Variants in ABCB11 observed in about 807,000 individuals in gnomAD.
ABCB11 encodes the protein bile salt export pump.
Under a neutral mutation model 148.0 loss-of-function variants are expected in ABCB11, and 95 were observed. That is an observed-to-expected ratio of 0.64 (90% CI 0.54 to 0.76). The LOEUF (loss-of-function observed/expected upper bound fraction) is 0.76. Among genes scored for constraint, ABCB11 ranks in the 30% least tolerant of loss-of-function variants. ABCB11 has a pLI of 0.00. For missense variants in ABCB11, 1,523 were observed against 1,617.8 expected (o/e 0.94, Z 1.01); for synonymous variants, 591 against 555.4 (o/e 1.06, Z -0.90).
chr2:169,021,826 A>G (rs1385037093), intron 1 of ABCB11, among the ~76,000 whole-genome samples: 1 of 152,052 alleles, frequency 6.6e-6, no homozygotes, highest in Non-Finnish European at 1.5e-5. Context: ...GACATTTTTC[A>G]ATTACATTTG....
chr2:168,998,240 A>G (rs972699193), intron 5 of ABCB11, among the ~76,000 whole-genome samples: 1 of 152,094 alleles, frequency 6.6e-6, no homozygotes, highest in Non-Finnish European at 1.5e-5. Flanking sequence ...CCAGAAAACT[A>G]TAAGCATTTG....
rs1431652184 is a variant in ABCB11 at position 168,930,354 on chromosome 2, A to G, written c.3411+311T>C. Among the ~76,000 whole-genome samples the G allele has an allele frequency of 2.0e-5, 3 of 152,302 alleles. No homozygotes were observed. In the East Asian group the frequency reaches 5.8e-4, roughly 29 times the overall value. Reference sequence around the variant, plus strand: ...GTCATTAGTTTCCTGATTAGTCTGCACTTTCTGCTCCATTTACGGGTAAGT... The same window carrying G: ...GTCATTAGTTTCCTGATTAGTCTGCGCTTTCTGCTCCATTTACGGGTAAGT... On this transcript the variant is annotated intron_variant, in intron 25 of 27. Coordinates refer to ENST00000650372, the MANE Select transcript of ABCB11 (RefSeq NM_003742.4).
At chr2:168,960,360 G>C (rs1574434751) in intron 18 of ABCB11, among the ~76,000 whole-genome samples, 1 of 151,638 alleles carries the variant, frequency 6.6e-6, no homozygotes, top group East Asian at 1.9e-4. Flanking sequence ...AACTTGTGAA[G>C]ACTATTAGCA....
rs1452393191 is a variant in ABCB11, at chr2:169,014,323, T to G, written c.130A>C (p.Arg44=). 9 of 1,613,374 alleles carry G rather than the reference T, an allele frequency of 5.6e-6. No homozygotes were observed. The highest frequency in any genetic ancestry group is 1.3e-5 in the African/African-American group (1 of 74,884). ...LQDEKKGDGV[R]VGFFQLFRFS... Reference sequence around the variant, plus strand: ...ATTACCAATTGAAAGAAGCCAACTCTAACGCCATCACCTTTCTTCTCATCT... The same window carrying G: ...ATTACCAATTGAAAGAAGCCAACTCGAACGCCATCACCTTTCTTCTCATCT... The change falls in exon 4 of 28, where the codon AGA becomes CGA. Residue 44 remains arginine, a synonymous_variant. Coordinates refer to ENST00000650372, the MANE Select transcript of ABCB11 (RefSeq NM_003742.4).
At chr2:168,945,993 T>C (rs1326256207) in intron 19 of ABCB11, among the ~76,000 whole-genome samples, 1 of 151,904 alleles carries the variant, frequency 6.6e-6, no homozygotes, top group Non-Finnish European at 1.5e-5. Flanking sequence ...TAGTGTATAA[T>C]GCTTAGTAAA....
rs1461431933 is a variant in ABCB11 at position 168,976,564 on chromosome 2, G to C, written c.1308+13C>G. The C allele has an allele frequency of 1.4e-6, 2 of 1,470,560 alleles. No homozygotes were observed. The highest frequency in any genetic ancestry group is 1.9e-6 in the Non-Finnish European group (2 of 1,061,580). 91.1% of individuals were successfully genotyped at this position (1,470,560 alleles called of 1,614,324 possible). Reference sequence around the variant, plus strand: ...AAAACATTTACTATTCTGGGGAACAGACCAGCACTCACCTTCACCTCTGGT... The same window carrying C: ...AAAACATTTACTATTCTGGGGAACACACCAGCACTCACCTTCACCTCTGGT... On this transcript the variant is annotated intron_variant, in intron 12 of 27. Coordinates refer to ENST00000650372, the MANE Select transcript of ABCB11 (RefSeq NM_003742.4).
At chr2:168,934,578 G>T (rs1691732145) in intron 23 of ABCB11, among the ~76,000 whole-genome samples, 1 of 152,220 alleles carries the variant, frequency 6.6e-6, no homozygotes, top group African/African-American at 2.4e-5. Context: ...GGAGGAGTCA[G>T]TTGGGAGGAG....
intron 10 of ABCB11, among the ~76,000 whole-genome samples, chr2:168,980,814 T>A (rs890652829): frequency 1.3e-5 from 2 of 152,166 alleles, no homozygotes; most frequent in Non-Finnish European, 2.9e-5. Flanking sequence ...TACCTGATCA[T>A]GCCCAGATGT....
intron 3 of ABCB11, among the ~76,000 whole-genome samples, chr2:169,014,657 C>T (rs539497496): frequency 5.3e-5 from 8 of 152,222 alleles, no homozygotes; most frequent in African/African-American, 1.9e-4. Flanking sequence ...TAACTCTTTG[C>T]CCTCAGTCAT....
Position 168,936,402 on chromosome 2 carries a change from T to C in ABCB11, c.2642A>G (p.Asn881Ser). The stretch of plus-strand genomic sequence containing the variant: ...GGCCACAGTGACGTTAGTGAAGGAA[T>C]TGACTATCATCCCGATCTGAGAGCC... ...AAGSQIGMIV[N>S]SFTNVTVAMI... Residue 881 changes from asparagine to serine, a missense_variant, in exon 22 of 28, where the codon AAT (asparagine) becomes AGT (serine). Physicochemically the swap from Asn to Ser is conservative, Grantham distance 46. Transcript: ENST00000650372. 2 of 1,613,886 alleles carry C rather than the reference T, an allele frequency of 1.2e-6. No homozygotes were observed. Among genetic ancestry groups the C allele is most frequent in the Non-Finnish European group, 1.7e-6 (2 of 1,179,854 alleles).
chr2:168,978,531 C>T (rs1694013720), intron 11 of ABCB11, among the ~76,000 whole-genome samples: 1 of 152,068 alleles, frequency 6.6e-6, no homozygotes, highest in Non-Finnish European at 1.5e-5. Flanking sequence ...GAGTCACTTC[C>T]TTAATAGGTT....
chr2:168,933,014 C>G (rs1193133195), intron 23 of ABCB11, among the ~76,000 whole-genome samples: 2 of 149,710 alleles, frequency 1.3e-5, no homozygotes, highest in Admixed American at 1.3e-4. Flanking sequence ...GAGGCTGAGG[C>G]AGGAGAATGG....
chr2:168,972,411 A>G (rs1693622966), intron 13 of ABCB11, among the ~76,000 whole-genome samples: 1 of 151,022 alleles, frequency 6.6e-6, no homozygotes, highest in African/African-American at 2.4e-5. Flanking sequence ...CTCAAAAGAT[A>G]TAATAAAAAT....
chr2:168,998,741 T>C (rs886774202), intron 5 of ABCB11, among the ~76,000 whole-genome samples: 12 of 152,146 alleles, frequency 7.9e-5, no homozygotes, highest in Admixed American at 2.6e-4. Flanking sequence ...TGGGATTTTC[T>C]GGAACAAAGG....
At chr2:168,946,382 G>A (rs996358563) in intron 19 of ABCB11, among the ~76,000 whole-genome samples, 3 of 151,684 alleles carry the variant, frequency 2.0e-5, no homozygotes, top group African/African-American at 7.3e-5. Flanking sequence ...TAAAGCAAAA[G>A]TAACCCGTTC....
At chr2:168,951,685 A>G (rs934279739) in intron 19 of ABCB11, among the ~76,000 whole-genome samples, 14 of 151,618 alleles carry the variant, frequency 9.2e-5, no homozygotes, top group African/African-American at 7.3e-5. Context: ...ATATGATTTC[A>G]TCAGTAAACA....
At chr2:168,994,270 C>G (rs1694643338) in intron 7 of ABCB11, among the ~76,000 whole-genome samples, 2 of 152,094 alleles carry the variant, frequency 1.3e-5, no homozygotes, top group African/African-American at 4.8e-5. Context: ...GTGCATCAAT[C>G]TTGTATAATC....
At chr2:168,915,842 T>C (rs749044901), downstream of ABCB11, among the ~76,000 whole-genome samples, 4 of 152,092 alleles carry the variant, frequency 2.6e-5, no homozygotes, top group Non-Finnish European at 5.9e-5. Flanking sequence ...TCTAGGAAGG[T>C]AAATATTTTG....
chr2:168,941,399 C>T lies in ABCB11; in HGVS notation c.2610+3206G>A, dbSNP rs1002396314. On this transcript the variant is annotated intron_variant, in intron 21 of 27. Transcript: ENST00000650372. ...TGCTTGAAAGAAGTTGATTCCAACC[C>T]TCACAGATGACTTTGAGAGTTCAAG... Among the ~76,000 whole-genome samples, 11 of 152,022 alleles carry T rather than the reference C, an allele frequency of 7.2e-5. No homozygotes were observed. In the East Asian group the frequency reaches 2.1e-3, roughly 29 times the overall value.
Sources: allele counts gnomAD v4.1 joint callset (sites outside exome capture counted in the v4.1 genomes callset), GRCh38; gene constraint gnomAD v4.1.1; transcripts MANE v1.5; gene names NCBI Gene and HGNC (gene_info 2026-07-23, HGNC 2026-07-21).